Variants in TCEANC2 observed in about 807,000 individuals in gnomAD.
TCEANC2 encodes transcription elongation factor A N-terminal and central domain-containing protein 2.
In TCEANC2, 20 loss-of-function variants were observed where a neutral mutation model predicts 22.8. The observed-to-expected ratio is 0.88, with a 90% CI of 0.62 to 1.28. TCEANC2 has a LOEUF of 1.28. Ranked by LOEUF, TCEANC2 falls within the 50% of genes most tolerant of loss-of-function variation. The pLI is 0.00. For synonymous variants in TCEANC2, 84 were observed against 95.5 expected (o/e 0.88, Z 0.70); for missense variants, 251 against 249.7 (o/e 1.01, Z -0.03).
intron 1 of TCEANC2, 102 bp downstream of exon 1, chr1:54,053,860 A>G (rs1385354326): frequency 6.5e-6 from 1 of 153,750 alleles, no homozygotes; most frequent in Non-Finnish European, 1.4e-5. Flanking sequence ...TCCAGAGATT[A>G]CAGCCGTGGG....
At chr1:54,112,080 C>T (rs924684188) in exon 5 of TCEANC2, 4 of 152,174 alleles carry the variant, frequency 2.6e-5, no homozygotes, top group Non-Finnish European at 5.9e-5. Context: ...CTCACTGGCT[C>T]ACACCTGTAT....
intron 4 of TCEANC2, among the ~76,000 whole-genome samples, chr1:54,095,822 G>A (rs1219831499): frequency 6.6e-6 from 1 of 152,158 alleles, no homozygotes; most frequent in Non-Finnish European, 1.5e-5. Flanking sequence ...TGTGATAATA[G>A]GAGTTATGAG....
chr1:54,059,642 T>C (rs193251525), intron 2 of TCEANC2, among the ~76,000 whole-genome samples: 36 of 152,354 alleles, frequency 2.4e-4, no homozygotes, highest in African/African-American at 8.2e-4. Context: ...GCATTTACTT[T>C]ACTGTATTGT....
At chr1:54,068,155 G>T (rs189478131) in intron 2 of TCEANC2, among the ~76,000 whole-genome samples, 132 of 152,256 alleles carry the variant, frequency 8.7e-4, no homozygotes, top group Non-Finnish European at 1.4e-3. Flanking sequence ...AGAGGGGAAT[G>T]AGTTGATGCA....
chr1:54,080,125 CA>C (rs1658209384), intron 3 of TCEANC2, among the ~76,000 whole-genome samples: 1 of 151,118 alleles, frequency 6.6e-6, no homozygotes, highest in East Asian at 1.9e-4. Flanking sequence ...TGCTCATTAC[CA>C]GGGGTCTCCA....
chr1:54,087,642 C>T (rs1658364885), intron 3 of TCEANC2, among the ~76,000 whole-genome samples: 1 of 152,172 alleles, frequency 6.6e-6, no homozygotes, highest in South Asian at 2.1e-4. Flanking sequence ...TATCTTTTAA[C>T]AGTTGGTTTG....
chr1:54,054,098 G>C, intron 1 of TCEANC2: 1 of 451,172 alleles, frequency 2.2e-6, no homozygotes, highest in Non-Finnish European at 3.7e-6. Context: ...CTCTAGCGGG[G>C]ATTCCAATAT....
chr1:54,081,013 T>A (rs1658233593), intron 3 of TCEANC2, among the ~76,000 whole-genome samples: 1 of 152,162 alleles, frequency 6.6e-6, no homozygotes, highest in Non-Finnish European at 1.5e-5. Flanking sequence ...CCAGAGGGAA[T>A]AGTAGAGGGT....
chr1:54,109,198 A>G (rs1262477145), downstream of TCEANC2, among the ~76,000 whole-genome samples: 2 of 152,220 alleles, frequency 1.3e-5, no homozygotes, highest in African/African-American at 4.8e-5. Context: ...GGAAAGGTTT[A>G]GCAGAAATGC....
chr1:54,111,846 C>T (rs893705980), exon 5 of TCEANC2: 1 of 152,264 alleles, frequency 6.6e-6, no homozygotes, highest in Non-Finnish European at 1.5e-5. Flanking sequence ...GCCTCCCTCT[C>T]TGGCAAGGCT....
Position 54,104,820 on chromosome 1 carries a change from G to A in TCEANC2, c.*8347G>A. On this transcript the variant is annotated 3_prime_UTR_variant, in exon 5 of 5. Transcript: ENST00000234827. ...GCTTCCCAAAGTGCTGGGATTACAG[G>A]CGTGAGCCACTGCGCCTGGCCCCTT... 1 of 377,236 alleles carries A rather than the reference G, an allele frequency of 2.7e-6. No individual in the cohort carries two copies. Among genetic ancestry groups the A allele is most frequent in the Middle Eastern group, 3.7e-4 (1 of 2,682 alleles). 23.4% of individuals were successfully genotyped at this position (377,236 alleles called of 1,614,324 possible).
intron 2 of TCEANC2, among the ~76,000 whole-genome samples, chr1:54,065,355 T>G (rs941107249): frequency 6.6e-6 from 1 of 152,104 alleles, no homozygotes; most frequent in Non-Finnish European, 1.5e-5. Flanking sequence ...GCCATGGAAT[T>G]GGGGTTTCTG....
chr1:54,054,546 G>C, intron 2 of TCEANC2, 22 bp downstream of exon 2: 1 of 1,604,024 alleles, frequency 6.2e-7, no homozygotes, highest in Non-Finnish European at 8.5e-7. Flanking sequence ...TCTGGGGCTA[G>C]AGGAAATGTG....
At chr1:54,083,488 T>C (rs971609868) in intron 3 of TCEANC2, among the ~76,000 whole-genome samples, 13 of 152,172 alleles carry the variant, frequency 8.5e-5, no homozygotes, top group Non-Finnish European at 1.6e-4. Context: ...AGAAAGCCAG[T>C]GTCAGATGCC....
Position 54,104,740 on chromosome 1 carries a change from C to T in TCEANC2, c.*8267C>T, listed in dbSNP as rs530184039. ...TATTTTTAGTAGAGATGGAGTTTCG[C>T]CATGTTGGCCAGACTAGTTTTGAAC... On this transcript the variant is annotated 3_prime_UTR_variant, in exon 5 of 5. Coordinates refer to ENST00000234827, the MANE Select transcript of TCEANC2 (RefSeq NM_153035.3). The T allele has an allele frequency of 2.9e-5, 13 of 444,552 alleles. No individual in the cohort carries two copies. The East Asian group carries it at 9.2e-4, about 32-fold the overall frequency. The allele number at this position is 444,552 out of a possible 1,614,324, so 27.5% of individuals were successfully genotyped here.
Position 54,096,315 on chromosome 1 carries a change from C to CG in TCEANC2, c.472dup (p.Glu158GlyfsTer11). The CG allele has an allele frequency of 3.8e-6, 6 of 1,598,798 alleles. No homozygotes were observed. Among genetic ancestry groups the CG allele is most frequent in the Middle Eastern group, 1.7e-4 (1 of 6,014 alleles). On this transcript the variant is annotated frameshift_variant, in exon 5 of 5. Transcript: ENST00000234827. LOFTEE classifies it high-confidence loss of function. The surrounding 1 kb of genome is among the most constrained non-coding windows in gnomAD (Gnocchi z 4.9). Reference sequence around the variant, plus strand: ...TCACCTACTGGTTGAAAATATTGAACGGGAAACGTTTCATCTCTGCTCCCG... The same window carrying CG: ...TCACCTACTGGTTGAAAATATTGAACGGGGAAACGTTTCATCTCTGCTCCCG...
intron 3 of TCEANC2, among the ~76,000 whole-genome samples, chr1:54,080,138 T>G (rs966543327): frequency 2.6e-5 from 4 of 151,356 alleles, no homozygotes; most frequent in African/African-American, 9.7e-5. Context: ...GGGTCTCCAA[T>G]TTTCTTTCTT....
At chr1:54,071,864 T>A (rs1164528684) in intron 3 of TCEANC2, among the ~76,000 whole-genome samples, 2 of 152,132 alleles carry the variant, frequency 1.3e-5, no homozygotes, top group African/African-American at 2.4e-5. Context: ...CAGGCTGAAG[T>A]GCAGTGGCAC....
intron 2 of TCEANC2, among the ~76,000 whole-genome samples, chr1:54,056,322 T>C (rs1003388650): frequency 1.3e-5 from 2 of 151,918 alleles, no homozygotes; most frequent in Admixed American, 6.6e-5. Context: ...CTTTTCTTTT[T>C]TTTTGAGACG....
Sources: gnomAD v4.1 joint callset for allele counts (sites outside exome capture counted in the v4.1 genomes callset) on GRCh38, gnomAD v4.1.1 for gene constraint, Gnocchi (gnomAD v3.1) non-coding constraint, MANE v1.5 for transcripts, NCBI Gene and HGNC (gene_info 2026-07-23, HGNC 2026-07-21) for gene names.